Variants in TOP1 observed in about 807,000 individuals in gnomAD.
TOP1 encodes the protein DNA topoisomerase 1.
Under a neutral mutation model 111.1 loss-of-function variants are expected in TOP1, and 10 were observed. The observed-to-expected ratio is 0.09, with a 90% confidence interval of 0.06 to 0.15. The LOEUF is 0.15. TOP1 is among the 10% of genes least tolerant of loss of function. The probability of loss-of-function intolerance (pLI) is 1.00; values close to 1 mark genes in which losing one functional copy is unlikely to be tolerated. For missense variants in TOP1, 474 were observed against 926.7 expected (o/e 0.51, Z 6.34); for synonymous variants, 271 against 302.9 (o/e 0.89, Z 1.10).
chr20:41,118,463 T>C lies in TOP1; in HGVS notation c.1950+167T>C, dbSNP rs957236385. On this transcript the variant is annotated intron_variant, in intron 18 of 20. Coordinates refer to ENST00000361337, the MANE Select transcript of TOP1 (RefSeq NM_003286.4). The surrounding 1 kb of genome is among the most constrained non-coding windows in gnomAD (Gnocchi z 4.6). ...GATAGTAGTTAATCTCTGATCAAGA[T>C]ACTGAATATCAGAGTATCCATTATT... 6.6e-6 allele frequency among the ~76,000 whole-genome samples: 1 copy of C among 152,244 alleles called. No individual in the cohort carries two copies. The highest frequency in any genetic ancestry group is 1.5e-5 in the Non-Finnish European group (1 of 68,044).
At chr20:41,099,092 C>T (rs962411969) in intron 11 of TOP1, among the ~76,000 whole-genome samples, 5 of 152,188 alleles carry the variant, frequency 3.3e-5, no homozygotes, top group Admixed American at 6.5e-5. Context: ...GAATTCTTTG[C>T]ACTTCAAATT....
chr20:41,070,540 G>A (rs943807554), intron 3 of TOP1, among the ~76,000 whole-genome samples: 1 of 152,218 alleles, frequency 6.6e-6, no homozygotes, highest in Non-Finnish European at 1.5e-5. Flanking sequence ...AACTTTTGAA[G>A]TTACTTAAAT....
chr20:41,057,080 A>T (rs1188045637), intron 2 of TOP1, among the ~76,000 whole-genome samples: 1 of 152,124 alleles, frequency 6.6e-6, no homozygotes, highest in African/African-American at 2.4e-5. Context: ...AGCCTCGGCA[A>T]CACGGTGAAA....
chr20:41,036,833 T>TTTTC (rs1280072424), intron 2 of TOP1, among the ~76,000 whole-genome samples: 17 of 1,000 alleles, frequency 0.017, no homozygotes, highest in Admixed American at 0.038. Flanking sequence ...CCTACTTTTC[T>TTTTC]TTTTTTTTTT....
chr20:41,066,557 CTTTT>C (rs776922601), intron 3 of TOP1, among the ~76,000 whole-genome samples: 2 of 129,398 alleles, frequency 1.5e-5, no homozygotes, highest in African/African-American at 2.9e-5. Context: ...CTTTTCTTTT[CTTTT>C]TTTTTTTTTT....
chr20:41,030,987 G>T lies in TOP1; in HGVS notation c.58+1532G>T, dbSNP rs2033112062. On this transcript the variant is annotated intron_variant, in intron 2 of 20. Coordinates refer to ENST00000361337, the MANE Select transcript of TOP1 (RefSeq NM_003286.4). This position sits in a 1 kb window ranked among gnomAD's most constrained non-coding sequence, Gnocchi z 4.1. ...CAGTCTATTGGGGGAGACATAATTA[G>T]TTAATTATAAGGTAACTACTGGGGC... 2.0e-5 allele frequency among the ~76,000 whole-genome samples: 3 copies of T among 152,182 alleles called. No homozygotes were observed. The South Asian group carries it at 6.2e-4, about 32-fold the overall frequency.
intron 2 of TOP1, among the ~76,000 whole-genome samples, chr20:41,057,533 A>G (rs1439537851): frequency 6.6e-6 from 1 of 152,212 alleles, no homozygotes; most frequent in Non-Finnish European, 1.5e-5. Flanking sequence ...AGTATTTGTC[A>G]AGATAAATTT....
Position 41,100,427 on chromosome 20 carries a change from G to A in TOP1, c.1163+184G>A, listed in dbSNP as rs181597686. Among the ~76,000 whole-genome samples the A allele has an allele frequency of 9.2e-4, 140 of 152,242 alleles. 1 individual carries two copies. Among genetic ancestry groups the A allele is most frequent in the Non-Finnish European group, 4.0e-4 (27 of 68,022 alleles). On this transcript the variant is annotated intron_variant, in intron 12 of 20. Transcript: ENST00000361337. This position sits in a 1 kb window ranked among gnomAD's most constrained non-coding sequence, Gnocchi z 4.4. ...CAGTTGTCTCCCCTCATCCACAGGG[G>A]ATATGTTCCAAGACCCCCAGTGGAT... is the stretch of plus-strand genomic sequence containing the variant.
At chr20:41,113,742 G>T (rs2145965294) in intron 14 of TOP1, among the ~76,000 whole-genome samples, 1 of 151,010 alleles carries the variant, frequency 6.6e-6, no homozygotes, top group South Asian at 2.1e-4. Context: ...ATAAAAATTG[G>T]CGTGGTGGCG....
In TOP1 at chr20:41,071,762, C is replaced by A. The variant is rs913204221; in HGVS notation, c.156-4409C>A. ...TCTCTTTAGCGCTGACTTTTGCTTT[C>A]TAGTCCCTGCTAGTGTGTTGGAATC... On this transcript the variant is annotated intron_variant, in intron 3 of 20. Transcript: ENST00000361337. The surrounding 1 kb of genome is among the most constrained non-coding windows in gnomAD (Gnocchi z 4.3). Among the ~76,000 whole-genome samples, 5 of 152,188 alleles carry A rather than the reference C, an allele frequency of 3.3e-5. No individual in the cohort carries two copies. The highest frequency in any genetic ancestry group is 9.7e-5 in the African/African-American group (4 of 41,446).
chr20:41,104,405 G>T (rs943085636), intron 13 of TOP1, among the ~76,000 whole-genome samples: 1 of 152,180 alleles, frequency 6.6e-6, no homozygotes, highest in Non-Finnish European at 1.5e-5. Flanking sequence ...ATGGCAATGG[G>T]GATGGAGAGA....
At chr20:41,111,615 T>C (rs1220178642) in intron 13 of TOP1, among the ~76,000 whole-genome samples, 1 of 133,504 alleles carries the variant, frequency 7.5e-6, no homozygotes, top group Non-Finnish European at 1.6e-5. Flanking sequence ...TTTTTTTTTT[T>C]TGATAGGGTC....
At chr20:41,059,409 AAAATAAATAAATAAATAAATAAAT>A (rs55866021) in intron 2 of TOP1, among the ~76,000 whole-genome samples, 6 of 138,102 alleles carry the variant, frequency 4.3e-5, no homozygotes, top group African/African-American at 1.6e-4. Flanking sequence ...AAACTGCTAG[AAAATAAATAAATAAATAAATAAAT>A]AAATAAATAA....
intron 2 of TOP1, among the ~76,000 whole-genome samples, chr20:41,036,122 CG>C (rs886865625): frequency 6.6e-5 from 10 of 152,130 alleles, no homozygotes; most frequent in African/African-American, 1.4e-4. Context: ...GGAAAGGAAA[CG>C]TTTTTTTCTT....
rs2145927147 is a variant in TOP1, at chr20:41,061,691, A to C, written c.155+201A>C. 6.6e-6 allele frequency among the ~76,000 whole-genome samples: 1 copy of C among 152,346 alleles called. No individual in the cohort carries two copies. The highest frequency in any genetic ancestry group is 3.4e-3 in the Middle Eastern group (1 of 294). Reference sequence around the variant, plus strand: ...CCATTGTTCAGATCAAGATGTATAAAGCAAGTATGTTTAATTTTCTTTTAA... The same window carrying C: ...CCATTGTTCAGATCAAGATGTATAACGCAAGTATGTTTAATTTTCTTTTAA... On this transcript the variant is annotated intron_variant, in intron 3 of 20. Transcript: ENST00000361337. This position sits in a 1 kb window ranked among gnomAD's most constrained non-coding sequence, Gnocchi z 4.6.
At chr20:41,031,676 T>C (rs2122581646) in intron 2 of TOP1, among the ~76,000 whole-genome samples, 1 of 152,360 alleles carries the variant, frequency 6.6e-6, no homozygotes, top group Non-Finnish European at 1.5e-5. Context: ...ATTTCTGTTT[T>C]GTAGATGAGG....
Position 41,080,056 on chromosome 20 carries a change from C to A in TOP1, c.336-29C>A. On this transcript the variant is annotated intron_variant, in intron 5 of 20. Transcript: ENST00000361337. This position sits in a 1 kb window ranked among gnomAD's most constrained non-coding sequence, Gnocchi z 5.0. ...TTAATAGAATACAGATGTTCTAGCA[C>A]TCTGACCAGCAATTTTTTTTCTCTT... The A allele has an allele frequency of 7.2e-7, 1 of 1,382,842 alleles. No homozygotes were observed. Among genetic ancestry groups the A allele is most frequent in the Non-Finnish European group, 1.0e-6 (1 of 976,716 alleles). The allele number at this position is 1,382,842 out of a possible 1,614,324, so 85.7% of individuals were successfully genotyped here. A position where few individuals can be genotyped will look rare whatever the true frequency, so the allele number is the denominator to read the frequency against.
rs934333354 is a variant in TOP1 at position 41,122,355 on chromosome 20, C to G, written c.2195+200C>G. On this transcript the variant is annotated intron_variant, in intron 20 of 20. Coordinates refer to ENST00000361337, the MANE Select transcript of TOP1 (RefSeq NM_003286.4). The surrounding 1 kb of genome is among the most constrained non-coding windows in gnomAD (Gnocchi z 5.4). ...ATGCATTGCAACATTCTGGTTGCTC[C>G]TAAATGGTCAGTGCTGTTACACTGC... Among the ~76,000 whole-genome samples, 3 of 152,182 alleles carry G rather than the reference C, an allele frequency of 2.0e-5. No individual in the cohort carries two copies. Among genetic ancestry groups the G allele is most frequent in the Non-Finnish European group, 4.4e-5 (3 of 68,034 alleles).
At chr20:41,086,269 A>C (rs2033847606) in intron 8 of TOP1, among the ~76,000 whole-genome samples, 1 of 151,720 alleles carries the variant, frequency 6.6e-6, no homozygotes, top group Admixed American at 6.5e-5. Context: ...TCTCAAAAAA[A>C]AAAAAAAGAA....
Sources: allele counts gnomAD v4.1 joint callset (sites outside exome capture counted in the v4.1 genomes callset), GRCh38; gene constraint gnomAD v4.1.1; non-coding constraint Gnocchi (gnomAD v3.1); transcripts MANE v1.5; gene names NCBI Gene and HGNC (gene_info 2026-07-23, HGNC 2026-07-21).